Variants in CBLN2 observed in about 807,000 individuals in gnomAD.
CBLN2 encodes the protein cerebellin-2.
In CBLN2, 7 loss-of-function variants were observed where a neutral mutation model predicts 15.0. That is an observed-to-expected ratio of 0.47 (90% CI 0.27 to 0.88). The LOEUF is 0.88. Ranked by LOEUF, CBLN2 falls within the 40% of genes least tolerant of loss-of-function variation. The pLI is 0.14. For synonymous variants in CBLN2, 149 were observed against 135.2 expected (o/e 1.10, Z -0.71); for missense variants, 242 against 304.5 (o/e 0.79, Z 1.53).
intron 1 of CBLN2, among the ~76,000 whole-genome samples, chr18:72,635,472 C>T (rs1043982802): frequency 1.9e-4 from 29 of 152,078 alleles, no homozygotes; most frequent in African/African-American, 5.1e-4. Flanking sequence ...TGTAAATCTA[C>T]GACTTCAGCA....
chr18:72,614,257 C>T (rs996626125), intron 1 of CBLN2, among the ~76,000 whole-genome samples: 1 of 152,058 alleles, frequency 6.6e-6, no homozygotes, highest in Non-Finnish European at 1.5e-5. Context: ...AACATGAAAA[C>T]ACATTGATTT....
intron 1 of CBLN2, among the ~76,000 whole-genome samples, chr18:72,612,928 A>C (rs2069632156): frequency 6.6e-6 from 1 of 152,232 alleles, no homozygotes; most frequent in Non-Finnish European, 1.5e-5. Context: ...GTCCAAGATC[A>C]AGCTGTCAGT....
chr18:72,575,746 A>G (rs1043412849), intron 1 of CBLN2, among the ~76,000 whole-genome samples: 1 of 152,134 alleles, frequency 6.6e-6, no homozygotes. Flanking sequence ...TAAAAGGGCC[A>G]GGGGTAGGAC....
chr18:72,579,548 T>C (rs2069389451), intron 1 of CBLN2, among the ~76,000 whole-genome samples: 2 of 152,030 alleles, frequency 1.3e-5, no homozygotes, highest in African/African-American at 4.8e-5. Context: ...CTGGTCAACA[T>C]GGTGAAACCC....
At chr18:72,557,138 A>G (rs1298295364) in intron 1 of CBLN2, among the ~76,000 whole-genome samples, 1 of 152,048 alleles carries the variant, frequency 6.6e-6, no homozygotes, top group African/African-American at 2.4e-5. Context: ...AAATAAAAAT[A>G]TGACAAATAC....
At chr18:72,551,482 T>C (rs2069191418) in intron 1 of CBLN2, among the ~76,000 whole-genome samples, 1 of 152,166 alleles carries the variant, frequency 6.6e-6, no homozygotes, top group African/African-American at 2.4e-5. Context: ...GAAATAGAAT[T>C]GACTAAAAAC....
chr18:72,571,828 A>T (rs1474832844), intron 1 of CBLN2, among the ~76,000 whole-genome samples: 1 of 152,220 alleles, frequency 6.6e-6, no homozygotes, highest in African/African-American at 2.4e-5. Flanking sequence ...GAGAGCACTG[A>T]CATCTTAATC....
chr18:72,615,934 AC>A (rs2069658484), intron 1 of CBLN2, among the ~76,000 whole-genome samples: 1 of 152,154 alleles, frequency 6.6e-6, no homozygotes, highest in South Asian at 2.1e-4. Flanking sequence ...AGGGTTTCTA[AC>A]TTTTTTCCTG....
intron 1 of CBLN2, among the ~76,000 whole-genome samples, chr18:72,626,961 T>G (rs986709916): frequency 1.3e-5 from 2 of 152,212 alleles, no homozygotes; most frequent in African/African-American, 4.8e-5. Context: ...TGTTTGAACT[T>G]TATATAAATG....
At chr18:72,627,363 T>C (rs1246880909) in intron 1 of CBLN2, among the ~76,000 whole-genome samples, 1 of 152,230 alleles carries the variant, frequency 6.6e-6, no homozygotes, top group Non-Finnish European at 1.5e-5. Context: ...TTTATATCTA[T>C]ATGAGGGCTT....
At chr18:72,616,735 A>T (rs1485859552) in intron 1 of CBLN2, among the ~76,000 whole-genome samples, 1 of 152,158 alleles carries the variant, frequency 6.6e-6, no homozygotes, top group Non-Finnish European at 1.5e-5. Flanking sequence ...TGTCTATTTC[A>T]TCTATCTTGA....
chr18:72,619,148 T>C, intron 1 of CBLN2: 1 of 745,152 alleles, frequency 1.3e-6, no homozygotes, highest in South Asian at 1.3e-5. Context: ...GCCAGTACTT[T>C]GCCAAACCAC....
Position 72,542,033 on chromosome 18 carries a change from A to G in CBLN2, c.128T>C (p.Leu43Pro). 6.3e-7 allele frequency: 1 copy of G among 1,592,800 alleles called. No individual in the cohort carries two copies. Among genetic ancestry groups the G allele is most frequent in the Non-Finnish European group, 8.5e-7 (1 of 1,177,076 alleles). Residue 43 changes from leucine (L) to proline (P), a missense_variant, in exon 3 of 5, where the codon CTG becomes CCG. Around this residue, in one of 4 missense-constraint regions of CBLN2, gnomAD observed 96 missense variants for 83.8 expected, o/e 1.15. Coordinates refer to ENST00000269503, the MANE Select transcript of CBLN2 (RefSeq NM_182511.4). ...CGCCCGCACGGGGCAGCAGGCGGGC[A>G]GTAGCAGCAACAGCAGGGCCAGCGC... The part of the protein sequence containing the change: ...GVALALLLLL[L>P]PACCPVRAQN...
chr18:72,622,360 T>A (rs2069706885), intron 1 of CBLN2, among the ~76,000 whole-genome samples: 1 of 151,966 alleles, frequency 6.6e-6, no homozygotes, highest in Non-Finnish European at 1.5e-5. Context: ...TGCAACTAGA[T>A]ACTTTAAGCT....
intron 1 of CBLN2, among the ~76,000 whole-genome samples, chr18:72,626,346 A>G (rs1296695968): frequency 6.6e-6 from 1 of 152,070 alleles, no homozygotes. Context: ...CAAATAAGAG[A>G]CAGGTTAGTT....
chr18:72,594,741 T>C (rs1485466129), intron 1 of CBLN2, among the ~76,000 whole-genome samples: 1 of 152,176 alleles, frequency 6.6e-6, no homozygotes, highest in Non-Finnish European at 1.5e-5. Context: ...TTTAGATTTC[T>C]TCTTGTTTAA....
At chr18:72,598,597 G>A (rs1369639524) in intron 1 of CBLN2, among the ~76,000 whole-genome samples, 1 of 152,158 alleles carries the variant, frequency 6.6e-6, no homozygotes, top group African/African-American at 2.4e-5. Flanking sequence ...AAATCCACTG[G>A]CTTTGAGCCC....
At position 72,603,670 on chromosome 18, in the gene CBLN2, G is replaced by A. The variant is rs115083589; in HGVS notation, c.15+34655C>T. 9.0e-3 allele frequency among the ~76,000 whole-genome samples: 1,374 copies of A among 152,266 alleles called. 21 individuals are homozygous for A. The highest frequency in any genetic ancestry group is 0.031 in the African/African-American group (1,292 of 41,544). On this transcript the variant is annotated intron_variant, in intron 1 of 2. Transcript: ENST00000581073. The stretch of plus-strand genomic sequence containing the variant: ...TTCCTTTCATTCGTCATCAGTCTGA[G>A]CACTTCACTGCTAGACGTTCTCTCT...
intron 1 of CBLN2, among the ~76,000 whole-genome samples, chr18:72,559,393 G>A (rs1428102621): frequency 1.3e-5 from 2 of 152,146 alleles, no homozygotes; most frequent in African/African-American, 4.8e-5. Flanking sequence ...AACCTATTAG[G>A]GGCTTCAAGA....
Sources: gnomAD v4.1 joint callset for allele counts (sites outside exome capture counted in the v4.1 genomes callset) on GRCh38, gnomAD v4.1.1 for gene constraint, gnomAD v4.1.1 regional missense constraint, MANE v1.5 for transcripts, NCBI Gene and HGNC (gene_info 2026-07-23, HGNC 2026-07-21) for gene names.